Variants in RYR3 observed in about 807,000 individuals in gnomAD.
RYR3 encodes ryanodine receptor 3.
RYR3 carries 207 observed loss-of-function variants against 584.3 expected under a neutral mutation model. The observed-to-expected ratio is 0.35, with a 90% confidence interval of 0.32 to 0.40. RYR3 has a LOEUF of 0.40. Among genes scored for constraint, RYR3 ranks in the 10% least tolerant of loss-of-function variants. The pLI, the probability that RYR3 is intolerant of heterozygous loss-of-function variation, is 1.00. For missense variants in RYR3, 5,616 were observed against 6,089.2 expected (o/e 0.92, Z 2.59); for synonymous variants, 2,416 against 2,248.5 (o/e 1.07, Z -2.11).
intron 43 of RYR3, among the ~76,000 whole-genome samples, chr15:33,712,021 G>A (rs12910954): frequency 0.21 from 32,202 of 152,120 alleles, 3,514 homozygotes; most frequent in Middle Eastern, 0.28. Context: ...GGTTCTGCAG[G>A]CTTTACAGGA....
chr15:33,586,959 T>C (rs2058881613), intron 16 of RYR3, among the ~76,000 whole-genome samples: 2 of 152,118 alleles, frequency 1.3e-5, no homozygotes, highest in Admixed American at 1.3e-4. Context: ...GGACTGCAGC[T>C]GTGCTTCTAC....
At chr15:33,708,700 C>T (rs1031752694) in intron 43 of RYR3, among the ~76,000 whole-genome samples, 5 of 152,178 alleles carry the variant, frequency 3.3e-5, no homozygotes, top group Non-Finnish European at 7.3e-5. Context: ...AAAGAAATAG[C>T]ACTTGAATAT....
chr15:33,700,804 C>T (rs946399457), intron 41 of RYR3, among the ~76,000 whole-genome samples, 173 bp from the exon 42 acceptor site: 1 of 152,242 alleles, frequency 6.6e-6, no homozygotes, highest in South Asian at 2.1e-4. Context: ...GGAAGGATAG[C>T]TAATAGAGCT....
intron 49 of RYR3, among the ~76,000 whole-genome samples, chr15:33,738,235 A>G (rs2069701417): frequency 6.6e-6 from 1 of 152,172 alleles, no homozygotes; most frequent in African/African-American, 2.4e-5. Context: ...AGAATTAATC[A>G]GGCAGATCCG....
At chr15:33,856,664 TTGTTTGTTTTTTTGA>T (rs1302016185) in intron 98 of RYR3, 1 of 156,846 alleles carries the variant, frequency 6.4e-6, no homozygotes, top group Non-Finnish European at 1.4e-5. Context: ...GTTTGTTTGT[TTGTTTGTTTTTTTGA>T]GACGGAGTCT....
intron 43 of RYR3, among the ~76,000 whole-genome samples, chr15:33,713,978 G>T (rs552340276): frequency 6.6e-6 from 1 of 152,116 alleles, no homozygotes; most frequent in East Asian, 1.9e-4. Context: ...GAGGGTGGGG[G>T]GGACACGAAT....
At chr15:33,542,725 AT>A (rs898044524) in intron 7 of RYR3, among the ~76,000 whole-genome samples, 13 of 152,028 alleles carry the variant, frequency 8.6e-5, no homozygotes, top group East Asian at 1.9e-4. Context: ...TAATTATGTG[AT>A]TTTTTTTCCT....
intron 2 of RYR3, among the ~76,000 whole-genome samples, chr15:33,480,454 A>C (rs2596169): frequency 0.45 from 67,971 of 152,038 alleles, 15,968 homozygotes; most frequent in Non-Finnish European, 0.52. Flanking sequence ...AGGGTCATAC[A>C]CATATTAGGT....
At chr15:33,756,518 C>A in intron 59 of RYR3, 145 bp downstream of exon 59, 1 of 688,388 alleles carries the variant, frequency 1.5e-6, no homozygotes, top group Non-Finnish European at 2.5e-6. Flanking sequence ...TGTAACAGTC[C>A]CAAGGGAGGC....
intron 90 of RYR3, among the ~76,000 whole-genome samples, chr15:33,841,232 A>T (rs1054436253): frequency 2.6e-5 from 4 of 152,172 alleles, no homozygotes; most frequent in Non-Finnish European, 5.9e-5. Flanking sequence ...CAAAAAAGAA[A>T]AAAAGAAAAT....
At chr15:33,479,829 C>T (rs2049799117) in intron 2 of RYR3, among the ~76,000 whole-genome samples, 1 of 152,200 alleles carries the variant, frequency 6.6e-6, no homozygotes, top group African/African-American at 2.4e-5. Flanking sequence ...TACATCTGTC[C>T]TATGACTGTC....
intron 74 of RYR3, chr15:33,815,565 G>A (rs1187678130): frequency 3.6e-6 from 1 of 276,322 alleles, no homozygotes; most frequent in Non-Finnish European, 6.7e-6. Context: ...AGTAAGTCTA[G>A]GAATTCACTA....
At position 33,743,445 on chromosome 15, in the gene RYR3, A is replaced by G. The variant is rs150849121; in HGVS notation, c.7899+1001A>G. ...GCGGCACAAAAGTAGCCATAGAGAAAACATAAACAAAAGTGGGTGCCTGTG... is the reference window on the plus strand; with the variant it reads ...GCGGCACAAAAGTAGCCATAGAGAAGACATAAACAAAAGTGGGTGCCTGTG... On this transcript the variant is annotated intron_variant, in intron 52 of 103. Coordinates refer to ENST00000634891, the MANE Select transcript of RYR3 (RefSeq NM_001036.6). Among the ~76,000 whole-genome samples, 516 of 152,330 alleles carry G rather than the reference A, an allele frequency of 3.4e-3. 3 individuals carry two copies. Among genetic ancestry groups the G allele is most frequent in the East Asian group, 0.017 (88 of 5,190 alleles).
At chr15:33,387,376 A>G (rs556920203) in intron 1 of RYR3, among the ~76,000 whole-genome samples, 1 of 152,070 alleles carries the variant, frequency 6.6e-6, no homozygotes, top group Non-Finnish European at 1.5e-5. Flanking sequence ...TCATATAGCA[A>G]TTCTATTTTT....
At chr15:33,619,012 A>G (rs1474576077) in intron 19 of RYR3, among the ~76,000 whole-genome samples, 2 of 152,210 alleles carry the variant, frequency 1.3e-5, no homozygotes, top group East Asian at 1.9e-4. Flanking sequence ...AAATCAGTCA[A>G]GTAAATAAAA....
intron 19 of RYR3, among the ~76,000 whole-genome samples, chr15:33,613,870 C>T (rs1178183175): frequency 6.6e-6 from 1 of 152,162 alleles, no homozygotes; most frequent in African/African-American, 2.4e-5. Context: ...TTTCCTGAGT[C>T]ATTGAGTATC....
intron 73 of RYR3, 107 bp downstream of exon 73, chr15:33,813,101 A>C: frequency 1.4e-6 from 2 of 1,413,784 alleles, no homozygotes; most frequent in South Asian, 2.6e-5. Flanking sequence ...TAAGACTGAG[A>C]AAACAAGGAC....
At chr15:33,641,070 G>GTGT (rs1166517540) in intron 27 of RYR3, among the ~76,000 whole-genome samples, 24 of 152,332 alleles carry the variant, frequency 1.6e-4, no homozygotes, top group African/African-American at 5.5e-4. Flanking sequence ...GGCCTGGAGC[G>GTGT]TGTTGTGGTT....
At chr15:33,627,319 G>C (rs2061043879) in intron 20 of RYR3, among the ~76,000 whole-genome samples, 1 of 152,134 alleles carries the variant, frequency 6.6e-6, no homozygotes, top group Non-Finnish European at 1.5e-5. Flanking sequence ...CAAAACTTAG[G>C]CTCCCAGTTT....
Sources: gnomAD v4.1 joint callset for allele counts (sites outside exome capture counted in the v4.1 genomes callset) on GRCh38, gnomAD v4.1.1 for gene constraint, MANE v1.5 for transcripts, NCBI Gene and HGNC (gene_info 2026-07-23, HGNC 2026-07-21) for gene names.